The following SUMF1 variants were observed in gnomAD, a reference collection of about 807,000 sequenced individuals.
SUMF1 encodes formylglycine-generating enzyme.
Under a neutral mutation model 47.6 loss-of-function variants are expected in SUMF1, and 48 were observed. That is an observed-to-expected ratio of 1.01 (90% CI 0.80 to 1.28). The LOEUF is 1.28. Among genes scored for constraint, SUMF1 ranks in the 50% most tolerant of loss-of-function variants. The pLI, the probability that SUMF1 is intolerant of heterozygous loss-of-function variation, is 0.00. For synonymous variants in SUMF1, 230 were observed against 192.1 expected (o/e 1.20, Z -1.63); for missense variants, 571 against 485.4 (o/e 1.18, Z -1.66).
At chr3:4,287,772 T>C (rs945367128) in intron 8 of SUMF1, among the ~76,000 whole-genome samples, 14 of 152,240 alleles carry the variant, frequency 9.2e-5, no homozygotes, top group African/African-American at 3.4e-4. Flanking sequence ...ATTCAAAGAA[T>C]ATAGTGCTTT....
intron 8 of SUMF1, among the ~76,000 whole-genome samples, chr3:4,079,136 C>T (rs1692503697): frequency 6.6e-6 from 1 of 152,092 alleles, no homozygotes; most frequent in Admixed American, 6.6e-5. Flanking sequence ...CCCACACTAA[C>T]CGCGAATTCA....
At chr3:4,214,519 AT>A in intron 8 of SUMF1, among the ~76,000 whole-genome samples, 1 of 152,310 alleles carries the variant, frequency 6.6e-6, no homozygotes, top group East Asian at 1.9e-4. Flanking sequence ...CAGCAAACAA[AT>A]TCAAAAGCGA....
At chr3:4,346,101 C>A (rs981081205) in intron 8 of SUMF1, among the ~76,000 whole-genome samples, 5 of 152,072 alleles carry the variant, frequency 3.3e-5, no homozygotes, top group Non-Finnish European at 7.4e-5. Flanking sequence ...ACTCCACTAT[C>A]AGTATTAGAC....
chr3:4,353,847 TTTTCA>T (rs142178245), intron 8 of SUMF1, among the ~76,000 whole-genome samples: 3,344 of 151,376 alleles, frequency 0.022, 139 homozygotes, highest in African/African-American at 0.078. Flanking sequence ...ATCATATTGA[TTTTCA>T]TTTGTTTATT....
At chr3:4,056,807 T>A (rs1695199897) in intron 9 of SUMF1, among the ~76,000 whole-genome samples, 1 of 152,118 alleles carries the variant, frequency 6.6e-6, no homozygotes. Flanking sequence ...AGTGGTGCAA[T>A]CTCGGCTCAC....
chr3:4,290,609 C>T (rs1300736267), intron 8 of SUMF1, among the ~76,000 whole-genome samples: 1 of 152,138 alleles, frequency 6.6e-6, no homozygotes, highest in Non-Finnish European at 1.5e-5. Context: ...CAAATACTAC[C>T]CGCTCCTCAA....
Position 4,293,498 on chromosome 3 carries a change from T to TTATA in SUMF1, c.1014+82828_1014+82831dup, listed in dbSNP as rs562105362. ...AATTAGAAATCACTTCTATGACCAT[T>TTATA]TATAAATTGGTTATTTCCTCGGCAT... is the stretch of plus-strand genomic sequence containing the variant. On this transcript the variant is annotated intron_variant and NMD_transcript_variant, in intron 8 of 12. Transcript: ENST00000448413. 2.5e-4 allele frequency among the ~76,000 whole-genome samples: 38 copies of TTATA among 152,300 alleles called. 1 individual carries two copies. The highest frequency in any genetic ancestry group is 8.7e-4 in the African/African-American group (36 of 41,566).
intron 9 of SUMF1, among the ~76,000 whole-genome samples, chr3:4,043,778 T>G (rs1172527604): frequency 2.0e-5 from 3 of 152,166 alleles, no homozygotes; most frequent in African/African-American, 7.2e-5. Context: ...GGAAACATAC[T>G]CTATTCAAAC....
chr3:4,402,604 T>C (rs533539375), intron 7 of SUMF1, among the ~76,000 whole-genome samples: 3 of 152,260 alleles, frequency 2.0e-5, no homozygotes, highest in South Asian at 4.1e-4. Context: ...ATTCATACTA[T>C]ATCAATGACT....
At chr3:4,071,615 G>C (rs372924028) in intron 8 of SUMF1, among the ~76,000 whole-genome samples, 9 of 152,304 alleles carry the variant, frequency 5.9e-5, no homozygotes, top group East Asian at 1.9e-4. Context: ...GGAGCTTAGT[G>C]GGGGGAGGGG....
At chr3:4,303,408 G>A in intron 8 of SUMF1, 2 of 1,557,946 alleles carry the variant, frequency 1.3e-6, no homozygotes, top group African/African-American at 2.8e-5. Flanking sequence ...CGGCCTTGTG[G>A]GATGGCGGAG....
chr3:4,455,770 T>C (rs1703140845), intron 1 of SUMF1, among the ~76,000 whole-genome samples: 1 of 152,044 alleles, frequency 6.6e-6, no homozygotes, highest in Non-Finnish European at 1.5e-5. Context: ...CAGAACCAGA[T>C]GGCTTCATGG....
intron 8 of SUMF1, among the ~76,000 whole-genome samples, chr3:4,216,008 A>G (rs1279324607): frequency 6.6e-6 from 1 of 152,166 alleles, no homozygotes; most frequent in Non-Finnish European, 1.5e-5. Flanking sequence ...TCAAGCTACC[A>G]CTGACTTTCT....
chr3:4,160,112 ACT>A (rs1444140582), intron 8 of SUMF1, among the ~76,000 whole-genome samples: 3 of 151,562 alleles, frequency 2.0e-5, no homozygotes, highest in Admixed American at 6.6e-5. Flanking sequence ...GGTTTGGAAA[ACT>A]CTCTGTTATC....
At chr3:4,089,617 T>C (rs923243331) in intron 8 of SUMF1, among the ~76,000 whole-genome samples, 1 of 152,034 alleles carries the variant, frequency 6.6e-6, no homozygotes, top group Non-Finnish European at 1.5e-5. Flanking sequence ...AAAACTAAAT[T>C]GCAGAACAAG....
downstream of SUMF1, among the ~76,000 whole-genome samples, chr3:4,356,701 C>T (rs768036953): frequency 6.6e-6 from 1 of 152,110 alleles, no homozygotes; most frequent in Non-Finnish European, 1.5e-5. Context: ...ACAGTGTTTG[C>T]TTTTTAAAAA....
At chr3:4,291,963 T>C (rs1697750782) in intron 8 of SUMF1, among the ~76,000 whole-genome samples, 1 of 152,212 alleles carries the variant, frequency 6.6e-6, no homozygotes. Context: ...CATGGTGTTT[T>C]AGATACAAGG....
intron 7 of SUMF1, among the ~76,000 whole-genome samples, chr3:4,378,094 T>G (rs1163837893): frequency 6.6e-6 from 1 of 152,214 alleles, no homozygotes; most frequent in East Asian, 1.9e-4. Flanking sequence ...TCCTGATAAA[T>G]CCATCATAAG....
chr3:4,258,697 C>T (rs1446031580), intron 8 of SUMF1, among the ~76,000 whole-genome samples: 2 of 149,036 alleles, frequency 1.3e-5, no homozygotes, highest in African/African-American at 5.0e-5. Context: ...TTGTGGAAGT[C>T]AGTGTGGTGA....
Sources: gnomAD v4.1 joint callset for allele counts (sites outside exome capture counted in the v4.1 genomes callset) on GRCh38, gnomAD v4.1.1 for gene constraint, MANE v1.5 for transcripts, NCBI Gene and HGNC (gene_info 2026-07-23, HGNC 2026-07-21) for gene names.